WWP1: variants seen among roughly 807,000 people sequenced by gnomAD.
The protein encoded by WWP1 is WW domain containing E3 ubiquitin protein ligase 1.
In WWP1, 49 loss-of-function variants were observed where a neutral mutation model predicts 130.6. The ratio of observed to expected loss-of-function variants is 0.38; its 90% CI spans 0.30 to 0.48. The LOEUF (loss-of-function observed/expected upper bound fraction) is 0.48. Ranked by LOEUF, WWP1 falls within the 20% of genes least tolerant of loss-of-function variation. The pLI is 0.99. For synonymous variants in WWP1, 332 were observed against 367.8 expected (o/e 0.90, Z 1.11); for missense variants, 809 against 1,100.6 (o/e 0.74, Z 3.75).
intron 5 of WWP1, 136 bp from the exon 6 acceptor site, chr8:86,398,206 A>T: frequency 1.1e-6 from 1 of 903,274 alleles, no homozygotes; most frequent in Non-Finnish European, 1.7e-6. Context: ...TTACTTAACT[A>T]GTTGTCAAAG....
chr8:86,428,795 G>T (rs1809772007), intron 11 of WWP1, among the ~76,000 whole-genome samples: 1 of 152,068 alleles, frequency 6.6e-6, no homozygotes, highest in East Asian at 1.9e-4. Context: ...ATTATACCGT[G>T]TGGTATATAT....
At chr8:86,356,783 A>G (rs1823282561) in intron 1 of WWP1, among the ~76,000 whole-genome samples, 1 of 152,188 alleles carries the variant, frequency 6.6e-6, no homozygotes, top group Non-Finnish European at 1.5e-5. Flanking sequence ...GAAAGCTGTC[A>G]ATTTCATTTT....
At chr8:86,444,091 T>C (rs1810733900) in intron 18 of WWP1, among the ~76,000 whole-genome samples, 1 of 152,196 alleles carries the variant, frequency 6.6e-6, no homozygotes, top group Non-Finnish European at 1.5e-5. Flanking sequence ...AGGAAAATCA[T>C]TTGTAACAAT....
intron 1 of WWP1, among the ~76,000 whole-genome samples, chr8:86,356,170 A>G (rs1823245465): frequency 6.6e-6 from 1 of 152,096 alleles, no homozygotes; most frequent in Non-Finnish European, 1.5e-5. Flanking sequence ...TCCGTGTTTT[A>G]AGACTGGCTG....
intron 18 of WWP1, among the ~76,000 whole-genome samples, chr8:86,445,185 T>A (rs1810794391): frequency 6.6e-6 from 1 of 152,194 alleles, no homozygotes; most frequent in African/African-American, 2.4e-5. Context: ...CAAAATTCTT[T>A]GTTTTTCTGG....
chr8:86,401,928 CTT>C (rs10608633), intron 7 of WWP1, 89 bp from the exon 8 acceptor site: 362,468 of 1,240,276 alleles, frequency 0.29, 57,460 homozygotes, highest in African/African-American at 0.56. Context: ...AAAAAAGAAA[CTT>C]AAGAGAATTT....
At chr8:86,449,553 G>C (rs1205132294) in intron 20 of WWP1, among the ~76,000 whole-genome samples, 1 of 152,068 alleles carries the variant, frequency 6.6e-6, no homozygotes, top group Non-Finnish European at 1.5e-5. Flanking sequence ...ACTATTCTTA[G>C]CTCAAATGCT....
chr8:86,414,241 GTGTGTGTA>G (rs1346222072), intron 9 of WWP1, among the ~76,000 whole-genome samples: 1 of 151,948 alleles, frequency 6.6e-6, no homozygotes, highest in African/African-American at 2.4e-5. Flanking sequence ...GTGTGTGTGT[GTGTGTGTA>G]TGTGTGTGTA....
chr8:86,452,960 C>G (rs1811253459), intron 21 of WWP1, among the ~76,000 whole-genome samples: 2 of 152,056 alleles, frequency 1.3e-5, no homozygotes, highest in Admixed American at 6.6e-5. Context: ...TCTGAAATTT[C>G]AGTTTAGTAG....
intron 16 of WWP1, 83 bp from the exon 17 acceptor site, chr8:86,438,502 A>G: frequency 1.9e-6 from 2 of 1,034,046 alleles, no homozygotes; most frequent in Non-Finnish European, 2.7e-6. Context: ...TTATTTTGAA[A>G]ATAGAGATTA....
intron 14 of WWP1, among the ~76,000 whole-genome samples, chr8:86,434,980 C>T (rs1361149099): frequency 6.6e-6 from 1 of 152,194 alleles, no homozygotes; most frequent in African/African-American, 2.4e-5. Flanking sequence ...CCTTTTCTCT[C>T]ACTGACCACG....
intron 5 of WWP1, among the ~76,000 whole-genome samples, chr8:86,394,171 T>C (rs1181777939): frequency 6.6e-6 from 1 of 152,256 alleles, no homozygotes; most frequent in Non-Finnish European, 1.5e-5. Flanking sequence ...GGCTTCAGAA[T>C]GTGGCTCTGA....
intron 22 of WWP1, 85 bp downstream of exon 22, chr8:86,458,110 A>C (rs1811557457): frequency 9.2e-7 from 1 of 1,087,046 alleles, no homozygotes; most frequent in African/African-American, 1.6e-5. Flanking sequence ...TATTATTTTT[A>C]ATTGAGACTG....
chr8:86,428,971 C>T (rs1365612807), intron 11 of WWP1, among the ~76,000 whole-genome samples: 1 of 152,154 alleles, frequency 6.6e-6, no homozygotes, highest in East Asian at 1.9e-4. Flanking sequence ...TCCTTAAACA[C>T]ATTGAGGTTT....
At chr8:86,358,419 AAT>A (rs1290332651) in intron 1 of WWP1, among the ~76,000 whole-genome samples, 1 of 151,918 alleles carries the variant, frequency 6.6e-6, no homozygotes, top group Admixed American at 6.6e-5. Flanking sequence ...TTAACATAAT[AAT>A]ATGTTGTTTT....
intron 7 of WWP1, among the ~76,000 whole-genome samples, chr8:86,401,583 C>T (rs1405938546): frequency 6.6e-6 from 1 of 150,808 alleles, no homozygotes; most frequent in Non-Finnish European, 1.5e-5. Flanking sequence ...GTAGTTTATA[C>T]TTGATTTTTA....
intron 24 of WWP1, among the ~76,000 whole-genome samples, chr8:86,466,112 G>A (rs745975087): frequency 6.6e-5 from 10 of 152,146 alleles, no homozygotes; most frequent in Non-Finnish European, 1.2e-4. Flanking sequence ...TCCTAATCTA[G>A]CTACTCAGTG....
chr8:86,395,510 C>T (rs966241189), intron 5 of WWP1, among the ~76,000 whole-genome samples: 2 of 152,100 alleles, frequency 1.3e-5, no homozygotes, highest in South Asian at 4.2e-4. Flanking sequence ...AGAGAAAAGT[C>T]ATGCCTGGTG....
rs1399899949 is a variant in WWP1, at chr8:86,380,753, A to G, written c.98A>G (p.Lys33Arg). ...TVSSAKLKRK[K>R]NWFGTAIYTE... ...TCTAGTGCCAAACTTAAAAGAAAAA[A>G]GAACTGGTTCGGAACAGCAATATAT... is the stretch of plus-strand genomic sequence containing the variant. The change falls in exon 4 of 25, where the codon AAG becomes AGG. Residue 33 changes from lysine to arginine, a missense_variant. Coordinates refer to ENST00000517970, the MANE Select transcript of WWP1 (RefSeq NM_007013.4). 1 of 1,609,946 alleles carries G rather than the reference A, an allele frequency of 6.2e-7. No homozygotes were observed. Among genetic ancestry groups the G allele is most frequent in the Non-Finnish European group, 8.5e-7 (1 of 1,178,848 alleles).
Sources: gnomAD v4.1 joint callset for allele counts (sites outside exome capture counted in the v4.1 genomes callset) on GRCh38, gnomAD v4.1.1 for gene constraint, MANE v1.5 for transcripts, NCBI Gene and HGNC (gene_info 2026-07-23, HGNC 2026-07-21) for gene names.